Variants in AXDND1 observed in about 807,000 individuals in gnomAD.
The protein encoded by AXDND1 is axonemal dynein light chain domain-containing protein 1.
A neutral mutation model predicts 137.5 loss-of-function variants in AXDND1; 110 were observed. The observed-to-expected ratio is 0.80, with a 90% CI of 0.69 to 0.94. The LOEUF (loss-of-function observed/expected upper bound fraction) is 0.94, where lower values mean the gene tolerates loss of function less well. Among genes scored for constraint, AXDND1 ranks in the 40% least tolerant of loss-of-function variants. The pLI is 0.00. For synonymous variants in AXDND1, 414 were observed against 399.7 expected, an observed-to-expected ratio of 1.04 and a Z score of -0.43; for missense variants, 1,191 against 1,169.8, an observed-to-expected ratio of 1.02 and a Z score of -0.26.
chr1:179,397,574 T>C (rs1374135978), intron 11 of AXDND1, among the ~76,000 whole-genome samples: 1 of 152,220 alleles, frequency 6.6e-6, no homozygotes, highest in African/African-American at 2.4e-5. Context: ...TACCCTAAAA[T>C]ATGTTTTCCA....
intron 25 of AXDND1, among the ~76,000 whole-genome samples, chr1:179,540,935 C>T (rs1335817872): frequency 6.6e-6 from 1 of 152,218 alleles, no homozygotes; most frequent in African/African-American, 2.4e-5. Context: ...GCAGTAGGCT[C>T]CACCTGGTTT....
At chr1:179,377,283 C>T (rs544507422) in intron 4 of AXDND1, among the ~76,000 whole-genome samples, 1 of 152,284 alleles carries the variant, frequency 6.6e-6, no homozygotes, top group East Asian at 1.9e-4. Flanking sequence ...GAATCAGTTC[C>T]ATGAGGGTAG....
intron 14 of AXDND1, among the ~76,000 whole-genome samples, chr1:179,431,779 G>T (rs559343844): frequency 4.6e-5 from 7 of 152,062 alleles, no homozygotes; most frequent in African/African-American, 1.7e-4. Context: ...AGGTGTGCAC[G>T]GGTGGCCATA....
At chr1:179,460,915 A>G (rs1662232883) in intron 16 of AXDND1, among the ~76,000 whole-genome samples, 1 of 151,942 alleles carries the variant, frequency 6.6e-6, no homozygotes, top group Non-Finnish European at 1.5e-5. Flanking sequence ...TTTTTCTTGT[A>G]AATTTGTTTA....
At chr1:179,485,193 A>G (rs1053459619) in intron 18 of AXDND1, among the ~76,000 whole-genome samples, 7 of 152,246 alleles carry the variant, frequency 4.6e-5, no homozygotes, top group Non-Finnish European at 7.4e-5. Flanking sequence ...ATGAGCACGC[A>G]CCCTGCTGCA....
chr1:179,461,874 G>A (rs1427775476), intron 16 of AXDND1, among the ~76,000 whole-genome samples: 1 of 152,140 alleles, frequency 6.6e-6, no homozygotes, highest in African/African-American at 2.4e-5. Context: ...AGTAATGCTT[G>A]TGATTTTTGC....
At chr1:179,539,948 A>G (rs910396053) in intron 25 of AXDND1, among the ~76,000 whole-genome samples, 6 of 151,692 alleles carry the variant, frequency 4.0e-5, no homozygotes, top group Admixed American at 2.0e-4. Context: ...TTGATCTTCA[A>G]TCACTGATAA....
chr1:179,467,202 G>T (rs1006145446), intron 16 of AXDND1, among the ~76,000 whole-genome samples: 1 of 150,352 alleles, frequency 6.7e-6, no homozygotes, highest in African/African-American at 2.5e-5. Context: ...TTCTCAGCAA[G>T]TGTCTGAGGC....
chr1:179,551,105 G>C (rs1673183564), intron 25 of AXDND1: 1 of 1,595,458 alleles, frequency 6.3e-7, no homozygotes, highest in Non-Finnish European at 8.6e-7. Flanking sequence ...TGAGGACAGA[G>C]TGTCTCCCTC....
chr1:179,421,825 G>T (rs1253722231), intron 12 of AXDND1, among the ~76,000 whole-genome samples: 2 of 151,474 alleles, frequency 1.3e-5, no homozygotes, highest in East Asian at 3.9e-4. Context: ...ATCACCTGAG[G>T]TCAGGAGTTT....
At chr1:179,424,888 TA>T (rs1656332715) in intron 12 of AXDND1, among the ~76,000 whole-genome samples, 1 of 152,238 alleles carries the variant, frequency 6.6e-6, no homozygotes, top group Non-Finnish European at 1.5e-5. Context: ...CCAGTAATTT[TA>T]TTTTTTTATT....
intron 14 of AXDND1, 151 bp downstream of exon 14, chr1:179,430,757 A>C (rs974476157): frequency 3.6e-5 from 28 of 779,208 alleles, no homozygotes; most frequent in Non-Finnish European, 5.5e-5. Context: ...CCTGCTAACA[A>C]CCTTGAATAG....
chr1:179,511,952 T>A (rs776220340), intron 21 of AXDND1, among the ~76,000 whole-genome samples: 6 of 152,206 alleles, frequency 3.9e-5, no homozygotes, highest in Non-Finnish European at 1.5e-5. Flanking sequence ...TTGTTTTAGA[T>A]TCTGGATATT....
At chr1:179,488,200 TA>T (rs1558255404) in intron 18 of AXDND1, among the ~76,000 whole-genome samples, 1 of 148,128 alleles carries the variant, frequency 6.8e-6, no homozygotes, top group Admixed American at 6.7e-5. Flanking sequence ...CTAAGATTTT[TA>T]AAAAGATTAG....
chr1:179,484,833 T>C (rs941094544), intron 18 of AXDND1, among the ~76,000 whole-genome samples: 1 of 152,196 alleles, frequency 6.6e-6, no homozygotes, highest in Non-Finnish European at 1.5e-5. Context: ...TGCAAAGGTA[T>C]GCAAGGAGAC....
intron 11 of AXDND1, among the ~76,000 whole-genome samples, chr1:179,409,532 T>C (rs1653517293): frequency 6.6e-6 from 1 of 152,136 alleles, no homozygotes; most frequent in African/African-American, 2.4e-5. Context: ...AGCATTTTGG[T>C]TTTTTCATTG....
At chr1:179,505,298 A>G (rs1045159802) in intron 20 of AXDND1, among the ~76,000 whole-genome samples, 1 of 40,656 alleles carries the variant, frequency 2.5e-5, no homozygotes, top group Non-Finnish European at 6.1e-5. Context: ...GTTTCCCACA[A>G]GCTAATGTTT....
intron 17 of AXDND1, among the ~76,000 whole-genome samples, chr1:179,469,114 G>C (rs565392979): frequency 6.6e-6 from 1 of 152,150 alleles, no homozygotes. Context: ...ATTTTTAGTA[G>C]AGACGGGGTT....
At chr1:179,386,309 A>G (rs796970647) in intron 9 of AXDND1, among the ~76,000 whole-genome samples, 7 of 151,918 alleles carry the variant, frequency 4.6e-5, no homozygotes, top group African/African-American at 1.7e-4. Context: ...TGGCCTTCCA[A>G]AGTGCTGGGA....
Sources: allele counts gnomAD v4.1 joint callset (sites outside exome capture counted in the v4.1 genomes callset), GRCh38; gene constraint gnomAD v4.1.1; transcripts MANE v1.5; gene names NCBI Gene and HGNC (gene_info 2026-07-23, HGNC 2026-07-21).